CACNA1E: variants seen among roughly 807,000 people sequenced by gnomAD.
CACNA1E encodes the protein calcium voltage-gated channel subunit alpha1 E.
Under a neutral mutation model 259.2 loss-of-function variants are expected in CACNA1E, and 40 were observed. The ratio of observed to expected loss-of-function variants is 0.15; its 90% CI spans 0.12 to 0.20. The LOEUF (loss-of-function observed/expected upper bound fraction) is 0.20. Ranked by LOEUF, CACNA1E falls within the 10% of genes least tolerant of loss-of-function variation. The pLI, the probability that CACNA1E is intolerant of heterozygous loss-of-function variation, is 1.00. For synonymous variants in CACNA1E, 1,104 were observed against 1,138.5 expected, an observed-to-expected ratio of 0.97 and a Z score of 0.61; for missense variants, 1,874 against 3,040.1, an observed-to-expected ratio of 0.62 and a Z score of 9.02.
intron 1 of CACNA1E, among the ~76,000 whole-genome samples, chr1:181,320,296 G>A (rs11806734): frequency 0.12 from 18,414 of 152,196 alleles, 1,262 homozygotes; most frequent in Middle Eastern, 0.18. Context: ...ATCCTATTGT[G>A]GAGAAATGTC....
intron 1 of CACNA1E, among the ~76,000 whole-genome samples, chr1:181,348,204 C>T (rs1227378960): frequency 6.6e-6 from 1 of 151,736 alleles, no homozygotes; most frequent in African/African-American, 2.4e-5. Flanking sequence ...GACAGATGGA[C>T]TTGCAGTTGA....
chr1:181,330,337 C>T (rs949642438), intron 1 of CACNA1E, among the ~76,000 whole-genome samples: 5 of 152,144 alleles, frequency 3.3e-5, no homozygotes, highest in Non-Finnish European at 7.3e-5. Flanking sequence ...CCCCTCTCCC[C>T]TTCTTCTCTG....
At chr1:181,576,284 G>T (rs1650969175) in intron 3 of CACNA1E, among the ~76,000 whole-genome samples, 1 of 152,222 alleles carries the variant, frequency 6.6e-6, no homozygotes, top group Non-Finnish European at 1.5e-5. Flanking sequence ...CCCCATGTAG[G>T]ATCCCTCTTT....
chr1:181,718,665 CA>C (rs761994560), intron 12 of CACNA1E, among the ~76,000 whole-genome samples: 3,177 of 138,360 alleles, frequency 0.023, 36 homozygotes, highest in Non-Finnish European at 0.031. Flanking sequence ...CACACACACA[CA>C]CCCTTATATT....
At chr1:181,700,717 A>G (rs1652161385) in intron 7 of CACNA1E, among the ~76,000 whole-genome samples, 1 of 152,242 alleles carries the variant, frequency 6.6e-6, no homozygotes, top group Non-Finnish European at 1.5e-5. Flanking sequence ...GAAGATGTGA[A>G]TTAATGACTG....
chr1:181,513,443 A>G (rs986964393), intron 3 of CACNA1E, among the ~76,000 whole-genome samples: 5 of 152,220 alleles, frequency 3.3e-5, no homozygotes, highest in Non-Finnish European at 7.3e-5. Flanking sequence ...TTTTGCAGTT[A>G]CTTGACACTT....
chr1:181,426,777 C>T (rs1351957586), intron 2 of CACNA1E, among the ~76,000 whole-genome samples: 1 of 149,976 alleles, frequency 6.7e-6, no homozygotes, highest in Non-Finnish European at 1.5e-5. Flanking sequence ...ATCTCAACCC[C>T]TTCACAACTC....
chr1:181,717,582 C>A (rs1427785322), intron 11 of CACNA1E, among the ~76,000 whole-genome samples: 3 of 152,112 alleles, frequency 2.0e-5, no homozygotes, highest in African/African-American at 7.2e-5. Flanking sequence ...TAAGGAGGCT[C>A]AATGATCAGG....
intron 6 of CACNA1E, among the ~76,000 whole-genome samples, chr1:181,591,505 C>A (rs1037248117): frequency 6.6e-6 from 1 of 151,966 alleles, no homozygotes; most frequent in Non-Finnish European, 1.5e-5. Flanking sequence ...TTTTTATCTT[C>A]CAGAAAACAA....
intron 6 of CACNA1E, among the ~76,000 whole-genome samples, chr1:181,638,063 G>A (rs551521334): frequency 3.0e-4 from 45 of 152,308 alleles, no homozygotes; most frequent in Non-Finnish European, 4.6e-4. Flanking sequence ...AAGGTATTAA[G>A]CAGGGGAGAG....
chr1:181,721,485 A>C (rs1001024071), intron 15 of CACNA1E, among the ~76,000 whole-genome samples: 2 of 152,146 alleles, frequency 1.3e-5, no homozygotes, highest in Non-Finnish European at 2.9e-5. Flanking sequence ...GGACCTTGCA[A>C]AACTGGAGGT....
intron 7 of CACNA1E, among the ~76,000 whole-genome samples, chr1:181,662,497 A>G (rs1250823778): frequency 6.6e-6 from 1 of 152,206 alleles, no homozygotes; most frequent in African/African-American, 2.4e-5. Context: ...GCCAGCTATG[A>G]CAATGATGTT....
intron 17 of CACNA1E, among the ~76,000 whole-genome samples, chr1:181,725,004 G>C (rs1188132203): frequency 1.3e-5 from 2 of 152,180 alleles, no homozygotes; most frequent in Non-Finnish European, 2.9e-5. Context: ...GTCATTTTGG[G>C]GAAATTTCAA....
chr1:181,477,237 T>G (rs1662919494), intron 2 of CACNA1E, among the ~76,000 whole-genome samples: 1 of 150,208 alleles, frequency 6.7e-6, no homozygotes, highest in South Asian at 2.1e-4. Flanking sequence ...CAAAGAGATC[T>G]CTTTTGTATT....
chr1:181,556,166 A>G (rs534463001), intron 3 of CACNA1E, among the ~76,000 whole-genome samples: 25 of 152,242 alleles, frequency 1.6e-4, no homozygotes, highest in African/African-American at 5.8e-4. Flanking sequence ...TCTGGCTTCA[A>G]ATTCGTTATA....
At chr1:181,489,204 C>G (rs552352258) in intron 1 of CACNA1E, among the ~76,000 whole-genome samples, 5 of 152,280 alleles carry the variant, frequency 3.3e-5, no homozygotes, top group Non-Finnish European at 5.9e-5. Flanking sequence ...AAGAGGAAAC[C>G]TAAATGCAAC....
Position 181,776,351 on chromosome 1 carries a change from C to T in CACNA1E, c.5267+123C>T, listed in dbSNP as rs938179357. ...TGTTACAGAAGGAAAGGAGATTCCT[C>T]TTGATTGTGGCCCATAGAAGAGGCT... On this transcript the variant is annotated intron_variant, in intron 38 of 47. Transcript: ENST00000367573. The surrounding 1 kb of genome is among the most constrained non-coding windows in gnomAD (Gnocchi z 4.4). 3 of 1,004,484 alleles carry T rather than the reference C, an allele frequency of 3.0e-6. No individual in the cohort carries two copies. Among genetic ancestry groups the T allele is most frequent in the South Asian group, 1.4e-5 (1 of 72,678 alleles). The allele number at this position is 1,004,484 out of a possible 1,614,324, so 62.2% of individuals were successfully genotyped here.
intron 3 of CACNA1E, among the ~76,000 whole-genome samples, chr1:181,568,374 G>C (rs948311962): frequency 6.6e-6 from 1 of 152,142 alleles, no homozygotes; most frequent in Non-Finnish European, 1.5e-5. Context: ...ACCCAGTTAT[G>C]GCAACTGGGG....
At chr1:181,332,964 T>C (rs555950431) in intron 1 of CACNA1E, among the ~76,000 whole-genome samples, 35 of 152,234 alleles carry the variant, frequency 2.3e-4, no homozygotes, top group African/African-American at 7.2e-4. Flanking sequence ...AGGACAGAGA[T>C]ACTACTAGGT....
Sources: allele counts gnomAD v4.1 joint callset (sites outside exome capture counted in the v4.1 genomes callset), GRCh38; gene constraint gnomAD v4.1.1; non-coding constraint Gnocchi (gnomAD v3.1); transcripts MANE v1.5; gene names NCBI Gene and HGNC (gene_info 2026-07-23, HGNC 2026-07-21).